The following IL17REL variants were observed in gnomAD, a reference collection of about 807,000 sequenced individuals.
IL17REL encodes interleukin-17 receptor E-like protein.
A neutral mutation model predicts 49.0 loss-of-function variants in IL17REL; 36 were observed. That is an observed-to-expected ratio of 0.73 (90% CI 0.56 to 0.97). The LOEUF (loss-of-function observed/expected upper bound fraction) is 0.97, where lower values mean the gene tolerates loss of function less well. Among genes scored for constraint, IL17REL ranks in the 50% least tolerant of loss-of-function variants. The pLI is 0.00. For synonymous variants in IL17REL, 206 were observed against 192.4 expected (o/e 1.07, Z -0.58); for missense variants, 470 against 453.9 (o/e 1.04, Z -0.32).
intron 7 of IL17REL, among the ~76,000 whole-genome samples, chr22:49,998,903 A>G (rs1403490547): frequency 2.0e-5 from 3 of 149,386 alleles, no homozygotes; most frequent in African/African-American, 7.5e-5. Context: ...GTGCATGTGT[A>G]TGGGCGTGTA....
chr22:50,008,919 A>G (rs1000961008), upstream of IL17REL: 6 of 152,280 alleles, frequency 3.9e-5, no homozygotes, highest in Admixed American at 3.9e-4. Context: ...CAGAGCACCC[A>G]CTACGTGCCA....
intron 1 of IL17REL, among the ~76,000 whole-genome samples, chr22:50,006,220 G>C (rs4327324): frequency 0.23 from 34,520 of 151,992 alleles, 4,236 homozygotes; most frequent in South Asian, 0.4. Flanking sequence ...CAGACTCGCT[G>C]AGTGGAGGAG....
intron 1 of IL17REL, 137 bp from the exon 3 acceptor site, chr22:50,001,368 A>C: frequency 1.7e-6 from 1 of 584,090 alleles, no homozygotes. Context: ...CCCCAGGCCA[A>C]CTGGAGAGCA....
At chr22:49,996,651 T>G in exon 13 of IL17REL, 3 of 212,194 alleles carry the variant, frequency 1.4e-5, no homozygotes, top group Non-Finnish European at 2.8e-5. Context: ...CAGACCTGGG[T>G]TTGGCGCAGA....
chr22:50,005,496 A>G (rs1448209304), intron 1 of IL17REL, among the ~76,000 whole-genome samples: 1 of 151,918 alleles, frequency 6.6e-6, no homozygotes, highest in Non-Finnish European at 1.5e-5. Flanking sequence ...GCTGAGGACA[A>G]CTCTGTGTGT....
upstream of IL17REL, among the ~76,000 whole-genome samples, chr22:50,010,450 G>A (rs529268197): frequency 1.2e-3 from 180 of 152,370 alleles, 1 homozygote; most frequent in African/African-American, 4.1e-3. Flanking sequence ...GCCCAGTGAG[G>A]CCGCCTGTGT....
chr22:49,999,545 G>GGGGGTGGTCT, intron 5 of IL17REL, 43 bp from the exon 8 acceptor site: 1 of 1,507,026 alleles, frequency 6.6e-7, no homozygotes, highest in Non-Finnish European at 8.9e-7. Flanking sequence ...GCGGGAGGGC[G>GGGGGTGGTCT]GGGGTGGTCT....
At chr22:50,005,949 A>G (rs982091917) in intron 1 of IL17REL, among the ~76,000 whole-genome samples, 2 of 152,210 alleles carry the variant, frequency 1.3e-5, no homozygotes, top group African/African-American at 2.4e-5. Flanking sequence ...AGAAAAAAAC[A>G]TATGTTTTTT....
chr22:50,000,611 G>T lies in IL17REL; in HGVS notation c.220-19C>A. The T allele has an allele frequency of 6.2e-7, 1 of 1,600,284 alleles. No individual in the cohort carries two copies. Among genetic ancestry groups the T allele is most frequent in the East Asian group, 2.2e-5 (1 of 44,798 alleles). ...CTTGGAGCTGAGCAGGTGCAGGTGT[G>T]AGCTGCGTGGACTCAGAGGCACTGC... On this transcript the variant is annotated intron_variant, in intron 3 of 12. Coordinates refer to ENST00000341280, the Ensembl canonical transcript of IL17REL.
In IL17REL at chr22:49,998,875, GTGTC is replaced by G. The variant is rs377586244; in HGVS notation, c.601+412_601+415del. Among the ~76,000 whole-genome samples, 616 of 152,130 alleles carry G rather than the reference GTGTC, an allele frequency of 4.0e-3. 6 individuals carry two copies. Among genetic ancestry groups the G allele is most frequent in the African/African-American group, 0.013 (550 of 41,462 alleles). On this transcript the variant is annotated intron_variant, in intron 7 of 12. Transcript: ENST00000341280. The stretch of plus-strand genomic sequence containing the variant: ...TGTGTATGGGCGTGTATGTTCATGG[GTGTC>G]TGTGCATGTGTGTGTGCATGTGTAT...
chr22:49,993,987 T>A (rs2146732457), downstream of IL17REL, among the ~76,000 whole-genome samples: 3 of 152,178 alleles, frequency 2.0e-5, 1 homozygote, highest in Admixed American at 2.0e-4. The surrounding 1 kb of genome is among the most constrained non-coding windows in gnomAD (Gnocchi z 6.0). Flanking sequence ...CAGCTTGTGC[T>A]GTGCCCCCCA....
At chr22:50,005,935 C>G (rs2061107492) in intron 1 of IL17REL, among the ~76,000 whole-genome samples, 1 of 151,962 alleles carries the variant, frequency 6.6e-6, no homozygotes, top group Non-Finnish European at 1.5e-5. Flanking sequence ...ACCAATTGGG[C>G]TGGAGAAAAA....
chr22:49,997,201 G>T (rs2061040768), intron 11 of IL17REL, 119 bp downstream of exon 13: 7 of 1,386,460 alleles, frequency 5.0e-6, no homozygotes, highest in Middle Eastern at 3.6e-4. Context: ...CTGCCAGGTA[G>T]ACTAGACCCT....
chr22:49,999,940 C>T, exon 5 of IL17REL: 1 of 1,527,356 alleles, frequency 6.5e-7, no homozygotes, highest in Non-Finnish European at 8.8e-7. Context: ...CTTGCGCCTC[C>T]GGTCCACCCA....
At chr22:49,993,516 G>T (rs1601882103), downstream of IL17REL, among the ~76,000 whole-genome samples, 3 of 152,130 alleles carry the variant, frequency 2.0e-5, no homozygotes, top group Admixed American at 6.5e-5. This position sits in a 1 kb window ranked among gnomAD's most constrained non-coding sequence, Gnocchi z 6.0. Context: ...CGGCTGATCC[G>T]GCTCAGCACC....
chr22:50,000,432 TG>T, intron 4 of IL17REL, 45 bp downstream of exon 5: 1 of 1,454,554 alleles, frequency 6.9e-7, no homozygotes, highest in Non-Finnish European at 9.6e-7. Context: ...AGCCAGGCCC[TG>T]GAGGCTGAAC....
chr22:49,999,853 CA>C lies in IL17REL; in HGVS notation c.448del (p.Cys150AlafsTer10). On this transcript the variant is annotated frameshift_variant, in exon 5 of 13. Coordinates refer to ENST00000341280, the Ensembl canonical transcript of IL17REL. LOFTEE classifies it high-confidence loss of function. ...TCGCACAGGGGCGCCGGCGTCCTCG[CA>C]GGTGAACCGCTTGAGGCAGAGCCGC... The C allele has an allele frequency of 6.5e-7, 1 of 1,532,040 alleles. No individual in the cohort carries two copies. The highest frequency in any genetic ancestry group is 8.8e-7 in the Non-Finnish European group (1 of 1,140,120). 94.9% of individuals were successfully genotyped at this position (1,532,040 alleles called of 1,614,324 possible). A position where few individuals can be genotyped will look rare whatever the true frequency, so the allele number is the denominator to read the frequency against.
chr22:49,999,810 C>CGGGGCGCGGGCGCTCACTCGCACA lies in IL17REL; in HGVS notation c.468_474+17dup. The CGGGGCGCGGGCGCTCACTCGCACA allele has an allele frequency of 2.0e-6, 3 of 1,488,512 alleles. No individual in the cohort carries two copies. The highest frequency in any genetic ancestry group is 2.8e-5 in the East Asian group (1 of 35,142). The allele number at this position is 1,488,512 out of a possible 1,614,324, so 92.2% of individuals were successfully genotyped here. A position where few individuals can be genotyped will look rare whatever the true frequency, so the allele number is the denominator to read the frequency against. ...GCGGGGCCTAAGGCTGACCGGGGCCCGGGGCGCGGGCGCTCACTCGCACAG... is the reference window on the plus strand; with the variant it reads ...GCGGGGCCTAAGGCTGACCGGGGCCCGGGGCGCGGGCGCTCACTCGCACAGGGGCGCGGGCGCTCACTCGCACAG... On this transcript the variant is annotated intron_variant, in intron 5 of 12. Transcript: ENST00000341280.
chr22:49,999,552 G>A (rs1157880590), intron 5 of IL17REL, 50 bp from the exon 8 acceptor site: 3 of 1,210,218 alleles, frequency 2.5e-6, no homozygotes, highest in Non-Finnish European at 3.5e-6. Context: ...GGCGGGGGTG[G>A]TCTGGGGTGG....
Sources: gnomAD v4.1 joint callset for allele counts (sites outside exome capture counted in the v4.1 genomes callset) on GRCh38, gnomAD v4.1.1 for gene constraint, Gnocchi (gnomAD v3.1) non-coding constraint, MANE v1.5 for transcripts, NCBI Gene and HGNC (gene_info 2026-07-23, HGNC 2026-07-21) for gene names.